Variants in PTPN23 observed in about 807,000 individuals in gnomAD.
PTPN23 encodes the protein tyrosine-protein phosphatase non-receptor type 23.
Under a neutral mutation model 156.3 loss-of-function variants are expected in PTPN23, and 72 were observed. That is an observed-to-expected ratio of 0.46 (90% CI 0.38 to 0.56). The LOEUF (loss-of-function observed/expected upper bound fraction) is 0.56, where lower values mean the gene tolerates loss of function less well. Among genes scored for constraint, PTPN23 ranks in the 20% least tolerant of loss-of-function variants. The pLI, the probability that PTPN23 is intolerant of heterozygous loss-of-function variation, is 0.00. For synonymous variants in PTPN23, 957 were observed against 899.6 expected, an observed-to-expected ratio of 1.06 and a Z score of -1.14; for missense variants, 1,974 against 2,171.5, an observed-to-expected ratio of 0.91 and a Z score of 1.81.
rs767136431 is a variant in PTPN23, at chr3:47,410,709, C to A, written c.2911C>A (p.Pro971Thr). The part of the protein sequence containing the change: ...PHPSQAFGPQ[P>T]PQQPLPLQHP... Reference sequence around the variant, plus strand: ...TCCTTCACAAGCGTTTGGGCCTCAGCCCCCACAGCAGCCCCTTCCACTCCA... The same window carrying A: ...TCCTTCACAAGCGTTTGGGCCTCAGACCCCACAGCAGCCCCTTCCACTCCA... Residue 971 changes from proline to threonine, a missense_variant, in exon 20 of 25, where the codon CCC becomes ACC. Pro to Thr is a conservative substitution (Grantham distance 38). Coordinates refer to ENST00000265562, the MANE Select transcript of PTPN23 (RefSeq NM_015466.4). The A allele has an allele frequency of 1.2e-5, 19 of 1,594,692 alleles. No homozygotes were observed. The Admixed American group carries it at 3.3e-4, about 28-fold the overall frequency.
rs1264400517 is a variant in PTPN23, at chr3:47,394,950, A to G, written c.85-1193A>G. On this transcript the variant is annotated intron_variant, in intron 1 of 24. Coordinates refer to ENST00000265562, the MANE Select transcript of PTPN23 (RefSeq NM_015466.4). ...GGGAGAGAGAAAAGAGCTTATGGAC[A>G]CAGGGACTTTCAGGAGCTGAAACCA... Among the ~76,000 whole-genome samples the G allele has an allele frequency of 2.0e-5, 3 of 152,306 alleles. No individual in the cohort carries two copies. The East Asian group carries it at 5.8e-4, about 29-fold the overall frequency.
At chr3:47,398,634 C>G (rs1387994682) in intron 2 of PTPN23, among the ~76,000 whole-genome samples, 5 of 151,594 alleles carry the variant, frequency 3.3e-5, no homozygotes, top group African/African-American at 1.2e-4. Context: ...GGCACAATCA[C>G]GGCTCACTGC....
chr3:47,403,143 CGG>C (rs546311876), intron 2 of PTPN23, among the ~76,000 whole-genome samples: 5 of 152,054 alleles, frequency 3.3e-5, no homozygotes, highest in East Asian at 1.9e-4. Context: ...CTCCGCCCCC[CGG>C]GGGTTCACGC....
chr3:47,409,916 C>T lies in PTPN23; in HGVS notation c.2130-12C>T, dbSNP rs1159373044. 1.3e-6 allele frequency: 2 copies of T among 1,570,570 alleles called. No individual in the cohort carries two copies. Among genetic ancestry groups the T allele is most frequent in the Non-Finnish European group, 1.7e-6 (2 of 1,159,270 alleles). On this transcript the variant is annotated splice_polypyrimidine_tract_variant and intron_variant, in intron 19 of 24. Transcript: ENST00000265562. ...GGAGCCTGGCCCCACTTTTTCCTTG[C>T]CTGTCGCACAGGGAGCTGAAGAAGA...
Position 47,410,533 on chromosome 3 carries a change from T to G in PTPN23, c.2735T>G (p.Val912Gly). ...GCTCCTCCCCCGCCCTGCTTCCCTGTGCCCCCACCGCAGCCACTGCCCACG... is the reference window on the plus strand; with the variant it reads ...GCTCCTCCCCCGCCCTGCTTCCCTGGGCCCCCACCGCAGCCACTGCCCACG... ...TPAPPPPCFP[V>G]PPPQPLPTPY... is the part of the protein sequence containing the mutation. Residue 912 changes from valine (V) to glycine (G), a missense_variant, in exon 20 of 25, where the codon GTG (valine) becomes GGG (glycine). Val to Gly is a moderately radical substitution (Grantham distance 109). Coordinates refer to ENST00000265562, the MANE Select transcript of PTPN23 (RefSeq NM_015466.4). The G allele has an allele frequency of 6.4e-7, 1 of 1,570,944 alleles. No homozygotes were observed. Among genetic ancestry groups the G allele is most frequent in the Non-Finnish European group, 8.7e-7 (1 of 1,154,684 alleles).
chr3:47,390,797 A>C (rs1704758156), intron 1 of PTPN23, among the ~76,000 whole-genome samples: 1 of 152,218 alleles, frequency 6.6e-6, no homozygotes, highest in Non-Finnish European at 1.5e-5. Context: ...CTGTGTGGCC[A>C]GGGATTCATT....
intron 22 of PTPN23, 27 bp downstream of exon 22, chr3:47,412,225 C>T (rs771199693): frequency 3.1e-6 from 5 of 1,613,294 alleles, no homozygotes; most frequent in Non-Finnish European, 4.2e-6. Flanking sequence ...AGGGTCTCTC[C>T]TCTATGGGCT....
rs766565313 is a variant in PTPN23, at chr3:47,411,143, A to G, written c.3345A>G (p.Ala1115=). The G allele has an allele frequency of 1.2e-6, 2 of 1,601,656 alleles. No individual in the cohort carries two copies. The highest frequency in any genetic ancestry group is 2.7e-5 in the African/African-American group (2 of 74,626). ...EPPPCLRRGA[A]AADLLSSSPE... is the part of the protein sequence containing the mutation. The stretch of plus-strand genomic sequence containing the variant: ...CCCCTTGCCTGCGCCGAGGCGCCGC[A>G]GCTGCAGACCTGCTCTCCTCCAGCC... The change falls in exon 20 of 25, where the codon GCA becomes GCG. Residue 1115 remains alanine, a synonymous_variant. Transcript: ENST00000265562. The surrounding 1 kb of genome is among the most constrained non-coding windows in gnomAD (Gnocchi z 6.3).
Position 47,406,069 on chromosome 3 carries a change from G to A in PTPN23, c.546+23G>A, listed in dbSNP as rs755051878. 1.2e-6 allele frequency: 2 copies of A among 1,608,432 alleles called. No individual in the cohort carries two copies. The highest frequency in any genetic ancestry group is 2.7e-5 in the African/African-American group (2 of 74,866). On this transcript the variant is annotated intron_variant, in intron 6 of 24. Transcript: ENST00000265562. This position sits in a 1 kb window ranked among gnomAD's most constrained non-coding sequence, Gnocchi z 5.8. ...CTGGTGAGGAGGCGCCCTGGTTGGAGTGGAGTTGAATCCAGGGAAGGGGAT... is the reference window on the plus strand; with the variant it reads ...CTGGTGAGGAGGCGCCCTGGTTGGAATGGAGTTGAATCCAGGGAAGGGGAT...
In PTPN23 at chr3:47,413,296, G is replaced by C; in HGVS notation, c.*111G>C. ...ACAGTCTCTTACTCCCATTTCTGCT[G>C]CCTTTGGCCCTGCCTGGCCCAGCCT... On this transcript the variant is annotated 3_prime_UTR_variant, in exon 25 of 25. Transcript: ENST00000265562. 1 of 1,452,294 alleles carries C rather than the reference G, an allele frequency of 6.9e-7. No homozygotes were observed. Among genetic ancestry groups the C allele is most frequent in the Non-Finnish European group, 9.3e-7 (1 of 1,073,214 alleles). 90.0% of individuals were successfully genotyped at this position (1,452,294 alleles called of 1,614,324 possible).
intron 1 of PTPN23, among the ~76,000 whole-genome samples, chr3:47,384,374 C>T (rs1004858761): frequency 1.5e-5 from 2 of 131,976 alleles, no homozygotes; most frequent in African/African-American, 2.8e-5. Flanking sequence ...AGGAGAATGG[C>T]GTGAACCTGG....
intron 1 of PTPN23, among the ~76,000 whole-genome samples, chr3:47,386,922 C>T (rs562318923): frequency 5.3e-5 from 8 of 152,292 alleles, no homozygotes; most frequent in South Asian, 4.1e-4. Flanking sequence ...TTACTCAGGA[C>T]GTAATAAAAT....
chr3:47,403,357 C>A (rs1448856543), intron 2 of PTPN23, among the ~76,000 whole-genome samples: 1 of 151,818 alleles, frequency 6.6e-6, no homozygotes, highest in Non-Finnish European at 1.5e-5. Context: ...TGGCCACATT[C>A]TTTTCTTTTT....
At chr3:47,401,582 G>A (rs1320315695) in intron 2 of PTPN23, among the ~76,000 whole-genome samples, 1 of 152,192 alleles carries the variant, frequency 6.6e-6, no homozygotes, top group Non-Finnish European at 1.5e-5. Flanking sequence ...CATCACACCT[G>A]TGATTTTAGA....
intron 2 of PTPN23, among the ~76,000 whole-genome samples, chr3:47,402,482 G>A (rs547940143): frequency 5.3e-5 from 8 of 152,100 alleles, no homozygotes; most frequent in Admixed American, 1.3e-4. Flanking sequence ...GTTTCACCAC[G>A]TTGCCCAGGC....
chr3:47,394,321 CA>C (rs762942721), intron 1 of PTPN23, among the ~76,000 whole-genome samples: 2 of 152,170 alleles, frequency 1.3e-5, no homozygotes, highest in Non-Finnish European at 1.5e-5. Context: ...ATGTTGGAGG[CA>C]TGTTTGGAAT....
At chr3:47,388,577 T>G (rs1475915502) in intron 1 of PTPN23, among the ~76,000 whole-genome samples, 1 of 152,122 alleles carries the variant, frequency 6.6e-6, no homozygotes, top group African/African-American at 2.4e-5. Context: ...TTTCTTTGTG[T>G]TACAGACAAT....
In PTPN23 at chr3:47,413,127, G is replaced by A. The variant is rs368990224; in HGVS notation, c.4853G>A (p.Arg1618Gln). The stretch of plus-strand genomic sequence containing the variant: ...AACGGGCAAGGGCTGCGGGCCACCC[G>A]GCCCTCTGACGACCCCCTCAGCCTT... The part of the protein sequence containing the change: ...AHNGQGLRAT[R>Q]PSDDPLSLLD... Residue 1618 changes from arginine to glutamine, a missense_variant, in exon 25 of 25, where the codon CGG (arginine) becomes CAG (glutamine). By Grantham distance (43) the Arg-to-Gln change is conservative. Transcript: ENST00000265562. The A allele has an allele frequency of 3.2e-5, 51 of 1,612,698 alleles. No homozygotes were observed. The highest frequency in any genetic ancestry group is 2.2e-4 in the East Asian group (10 of 44,888).
Position 47,413,379 on chromosome 3 carries a change from G to A in PTPN23, c.*194G>A. 3 of 689,142 alleles carry A rather than the reference G, an allele frequency of 4.4e-6. No homozygotes were observed. The South Asian group carries it at 7.0e-5, about 16-fold the overall frequency. 42.7% of individuals were successfully genotyped at this position (689,142 alleles called of 1,614,324 possible). A position where few individuals can be genotyped will look rare whatever the true frequency, so the allele number is the denominator to read the frequency against. On this transcript the variant is annotated 3_prime_UTR_variant, in exon 25 of 25. Coordinates refer to ENST00000265562, the MANE Select transcript of PTPN23 (RefSeq NM_015466.4). Reference sequence around the variant, plus strand: ...TCTGGGTCAGGTTCTGCTCCTTTATGGGACCCGACATTTTTCAGCTCTTTG... The same window carrying A: ...TCTGGGTCAGGTTCTGCTCCTTTATAGGACCCGACATTTTTCAGCTCTTTG...
Sources: gnomAD v4.1 joint callset for allele counts (sites outside exome capture counted in the v4.1 genomes callset) on GRCh38, gnomAD v4.1.1 for gene constraint, Gnocchi (gnomAD v3.1) non-coding constraint, MANE v1.5 for transcripts, NCBI Gene and HGNC (gene_info 2026-07-23, HGNC 2026-07-21) for gene names.